PRKN: variants seen among roughly 807,000 people sequenced by gnomAD.
PRKN encodes parkin RBR E3 ubiquitin protein ligase, also known as E3 ubiquitin-protein ligase parkin.
In PRKN, 56 loss-of-function variants were observed where a neutral mutation model predicts 59.5. The ratio of observed to expected loss-of-function variants is 0.94; its 90% confidence interval spans 0.76 to 1.18. The LOEUF is 1.18. Ranked by LOEUF, PRKN falls within the 50% of genes most tolerant of loss-of-function variation. The pLI is 0.00. For missense variants in PRKN, 657 were observed against 596.4 expected, an observed-to-expected ratio of 1.10 and a Z score of -1.06; for synonymous variants, 250 against 222.1, an observed-to-expected ratio of 1.13 and a Z score of -1.12.
At chr6:161,559,400 A>T (rs909732676) in intron 8 of PRKN, among the ~76,000 whole-genome samples, 2 of 152,214 alleles carry the variant, frequency 1.3e-5, no homozygotes, top group Non-Finnish European at 2.9e-5. Flanking sequence ...CTCCTGATGG[A>T]GCGCACTGCA....
intron 7 of PRKN, among the ~76,000 whole-genome samples, chr6:161,760,935 A>G (rs1198708972): frequency 6.6e-6 from 1 of 152,214 alleles, no homozygotes; most frequent in Non-Finnish European, 1.5e-5. Flanking sequence ...TTTCAATACA[A>G]TGCAACTTCG....
At position 162,044,585 on chromosome 6, in the gene PRKN, T is replaced by C. The variant is rs372571726; in HGVS notation, c.618+9506A>G. ...CAAGTTCAAAGTCATGAGGACTGGA[T>C]AGAGCTCCATCAAAGCAGGGAATGT... is the stretch of plus-strand genomic sequence containing the variant. On this transcript the variant is annotated intron_variant, in intron 5 of 11. Coordinates refer to ENST00000366898, the MANE Select transcript of PRKN (RefSeq NM_004562.3). Among the ~76,000 whole-genome samples, 7 of 152,334 alleles carry C rather than the reference T, an allele frequency of 4.6e-5. 1 individual carries two copies. Among genetic ancestry groups the C allele is most frequent in the African/African-American group, 1.7e-4 (7 of 41,578 alleles).
rs548196341 is a variant in PRKN at position 162,086,989 on chromosome 6, T to C, written c.535-32815A>G. ...ACAAATATGAAAATACAAGGAAATA[T>C]GAACTTTAGAAAGCAAATAATATGC... On this transcript the variant is annotated intron_variant, in intron 4 of 11. Transcript: ENST00000366898. 1.5e-4 allele frequency among the ~76,000 whole-genome samples: 23 copies of C among 152,326 alleles called. No individual in the cohort carries two copies. The South Asian group carries it at 1.7e-3, about 11-fold the overall frequency.
intron 9 of PRKN, among the ~76,000 whole-genome samples, chr6:161,490,140 A>G (rs1266665976): frequency 6.6e-6 from 1 of 152,192 alleles, no homozygotes; most frequent in East Asian, 1.9e-4. Flanking sequence ...CAAGTTGAAG[A>G]AGAAAAGAGG....
intron 2 of PRKN, among the ~76,000 whole-genome samples, chr6:162,360,076 CAT>C (rs972070398): frequency 8.6e-5 from 13 of 151,746 alleles, no homozygotes; most frequent in African/African-American, 2.2e-4. Flanking sequence ...TTTATATATA[CAT>C]ATGTGTGTGT....
chr6:161,921,859 A>G (rs1002419918), intron 6 of PRKN, among the ~76,000 whole-genome samples: 4 of 152,232 alleles, frequency 2.6e-5, no homozygotes, highest in African/African-American at 7.2e-5. Context: ...CACAAGTAGC[A>G]CAGGATAGGC....
intron 7 of PRKN, among the ~76,000 whole-genome samples, chr6:161,654,791 G>A (rs1344170393): frequency 1.3e-5 from 2 of 152,146 alleles, no homozygotes; most frequent in African/African-American, 4.8e-5. Context: ...TGGAGAGAAG[G>A]AGGCCAGCAA....
chr6:162,698,463 C>T (rs1323157326), intron 1 of PRKN, among the ~76,000 whole-genome samples: 1 of 152,122 alleles, frequency 6.6e-6, no homozygotes, highest in African/African-American at 2.4e-5. Flanking sequence ...CCTCCCTATA[C>T]CTCTATGTGC....
In PRKN at chr6:161,468,299, CA is replaced by C. The variant is rs11455156; in HGVS notation, c.1083+80554del. ...CTTACCCTATACTTTAAAACAAAAACAAAAAAAAAACAGCCAAACCTAATCT... is the reference window on the plus strand; with the variant it reads ...CTTACCCTATACTTTAAAACAAAAACAAAAAAAAACAGCCAAACCTAATCT... On this transcript the variant is annotated intron_variant, in intron 9 of 11. Transcript: ENST00000366898. The surrounding 1 kb of genome is among the most constrained non-coding windows in gnomAD (Gnocchi z 5.9). Among the ~76,000 whole-genome samples, 15 of 146,100 alleles carry C rather than the reference CA, an allele frequency of 1.0e-4. No homozygotes were observed. Among genetic ancestry groups the C allele is most frequent in the South Asian group, 2.2e-4 (1 of 4,534 alleles).
intron 7 of PRKN, among the ~76,000 whole-genome samples, chr6:161,738,589 C>T (rs2180024): frequency 0.27 from 40,915 of 152,128 alleles, 5,619 homozygotes; most frequent in Admixed American, 0.32. Context: ...CTCCCACACA[C>T]GCAGATGCTG....
rs140093793 is a variant in PRKN, at chr6:162,298,063, A to G, written c.172-35298T>C. Reference sequence around the variant, plus strand: ...CTTTCCGATTCTGTTCTGTGCCCTCAGAGGTTGACACCCACAGGCCAAATC... The same window carrying G: ...CTTTCCGATTCTGTTCTGTGCCCTCGGAGGTTGACACCCACAGGCCAAATC... On this transcript the variant is annotated intron_variant, in intron 2 of 11. Transcript: ENST00000366898. Among the ~76,000 whole-genome samples the G allele has an allele frequency of 2.8e-3, 422 of 152,216 alleles. 2 individuals are homozygous for G. Among genetic ancestry groups the G allele is most frequent in the South Asian group, 0.02 (96 of 4,828 alleles).
At chr6:161,519,827 C>T (rs73782924) in intron 9 of PRKN, among the ~76,000 whole-genome samples, 13,393 of 152,128 alleles carry the variant, frequency 0.088, 713 homozygotes, top group African/African-American at 0.16. Flanking sequence ...TGGCCTTCAG[C>T]GCATTCCTCC....
chr6:161,438,383 A>G (rs1789029776), intron 9 of PRKN, among the ~76,000 whole-genome samples: 2 of 151,648 alleles, frequency 1.3e-5, no homozygotes, highest in Admixed American at 6.6e-5. Flanking sequence ...ACGCCCAGCT[A>G]TTTTTTGTAT....
chr6:161,838,968 A>T (rs112044372), intron 6 of PRKN, among the ~76,000 whole-genome samples: 3 of 152,230 alleles, frequency 2.0e-5, no homozygotes, highest in African/African-American at 7.2e-5. Context: ...CCAGGAGCCA[A>T]TGTGTCTCCG....
chr6:162,119,369 A>G (rs1782740831), intron 4 of PRKN, among the ~76,000 whole-genome samples: 2 of 152,182 alleles, frequency 1.3e-5, no homozygotes, highest in Non-Finnish European at 2.9e-5. Flanking sequence ...CAGGGCTGTC[A>G]GGTACTCAGA....
At chr6:161,678,344 C>G (rs1374201434) in intron 7 of PRKN, among the ~76,000 whole-genome samples, 1 of 145,352 alleles carries the variant, frequency 6.9e-6, no homozygotes, top group Non-Finnish European at 1.5e-5. Flanking sequence ...CTCTGAGGCT[C>G]TTCATTTTCT....
intron 1 of PRKN, among the ~76,000 whole-genome samples, chr6:162,556,370 T>TGCGCGC (rs1562382067): frequency 1.0e-5 from 1 of 99,298 alleles, no homozygotes; most frequent in Non-Finnish European, 2.4e-5. Flanking sequence ...TGTGTGTGTG[T>TGCGCGC]GTGTGTGTGT....
chr6:162,508,812 A>G (rs1793716101), intron 1 of PRKN, among the ~76,000 whole-genome samples: 1 of 152,130 alleles, frequency 6.6e-6, no homozygotes, highest in Admixed American at 6.6e-5. Flanking sequence ...TGATTGCACC[A>G]CTTCACTCCA....
At position 162,274,749 on chromosome 6, in the gene PRKN, T is replaced by A. The variant is rs116069295; in HGVS notation, c.172-11984A>T. ...TTTTGCCAGTTGCATATGGGTGGTA[T>A]TACTGAACAAGTTTCTTCATTGTCC... is the stretch of plus-strand genomic sequence containing the variant. On this transcript the variant is annotated intron_variant, in intron 2 of 11. Transcript: ENST00000366898. Among the ~76,000 whole-genome samples the A allele has an allele frequency of 4.1e-3, 620 of 152,292 alleles. 4 individuals are homozygous for A. Among genetic ancestry groups the A allele is most frequent in the African/African-American group, 0.014 (598 of 41,560 alleles).
Sources: allele counts gnomAD v4.1 joint callset (sites outside exome capture counted in the v4.1 genomes callset), GRCh38; gene constraint gnomAD v4.1.1; non-coding constraint Gnocchi (gnomAD v3.1); transcripts MANE v1.5; gene names NCBI Gene and HGNC (gene_info 2026-07-23, HGNC 2026-07-21).